The following SLC24A2 variants were observed in gnomAD, a reference collection of about 807,000 sequenced individuals.
SLC24A2 encodes sodium/potassium/calcium exchanger 2.
Under a neutral mutation model 62.0 loss-of-function variants are expected in SLC24A2, and 36 were observed. The ratio of observed to expected loss-of-function variants is 0.58; its 90% confidence interval spans 0.44 to 0.77. The LOEUF (loss-of-function observed/expected upper bound fraction) is 0.77, where lower values mean the gene tolerates loss of function less well. SLC24A2 is among the 30% of genes least tolerant of loss of function. SLC24A2 has a pLI of 0.00. For missense variants in SLC24A2, 846 were observed against 817.9 expected (o/e 1.03, Z -0.42); for synonymous variants, 358 against 294.0 (o/e 1.22, Z -2.23).
At chr9:19,820,233 T>C in the SLC24A2 span, among the ~76,000 whole-genome samples, 8 of 147,868 alleles carry the variant, frequency 5.4e-5, no homozygotes, top group East Asian at 4.0e-4. Context: ...AAAGCTAAGC[T>C]GTGAGGACGC....
chr9:20,004,368 A>G, the SLC24A2 span, among the ~76,000 whole-genome samples: 2 of 152,324 alleles, frequency 1.3e-5, no homozygotes, highest in Admixed American at 1.3e-4. Context: ...GAAGCTGGTC[A>G]TAAAACAGCA....
the SLC24A2 span, among the ~76,000 whole-genome samples, chr9:20,165,856 A>G: frequency 1.3e-5 from 2 of 151,950 alleles, no homozygotes; most frequent in Admixed American, 6.6e-5. Flanking sequence ...AACAAATGAC[A>G]AATTGGTAGC....
At chr9:19,700,311 T>C (rs1250686048) in intron 2 of SLC24A2, among the ~76,000 whole-genome samples, 2 of 152,186 alleles carry the variant, frequency 1.3e-5, no homozygotes, top group East Asian at 3.9e-4. Flanking sequence ...ACTCAGTAAA[T>C]GTTAGCTTTC....
chr9:20,166,126 T>C, the SLC24A2 span, among the ~76,000 whole-genome samples: 15 of 152,072 alleles, frequency 9.9e-5, 1 homozygote, highest in African/African-American at 3.4e-4. Flanking sequence ...AAGTTGACTA[T>C]AATCTGTTGG....
At chr9:20,188,227 CCAGTGCTGCTG>C in the SLC24A2 span, among the ~76,000 whole-genome samples, 2 of 152,214 alleles carry the variant, frequency 1.3e-5, no homozygotes, top group Non-Finnish European at 2.9e-5. Context: ...TTCCAGGGAT[CCAGTGCTGCTG>C]GACAGTGGAC....
chr9:20,091,321 G>C, the SLC24A2 span, among the ~76,000 whole-genome samples: 1 of 151,994 alleles, frequency 6.6e-6, no homozygotes, highest in African/African-American at 2.4e-5. Flanking sequence ...AACCCCACTG[G>C]AGAGGCCAAC....
At chr9:19,728,055 G>A (rs1446192404) in intron 2 of SLC24A2, among the ~76,000 whole-genome samples, 2 of 152,128 alleles carry the variant, frequency 1.3e-5, no homozygotes, top group Admixed American at 1.3e-4. Context: ...GTAAGGAAGT[G>A]GGGACTGGGA....
the SLC24A2 span, among the ~76,000 whole-genome samples, chr9:20,180,523 G>A: frequency 6.6e-6 from 1 of 152,022 alleles, no homozygotes; most frequent in Non-Finnish European, 1.5e-5. Context: ...GAAATCCTTT[G>A]TCTTTCCTAC....
intron 8 of SLC24A2, among the ~76,000 whole-genome samples, chr9:19,549,774 C>CA (rs1486948223): frequency 6.6e-6 from 1 of 152,186 alleles, no homozygotes; most frequent in Non-Finnish European, 1.5e-5. Flanking sequence ...AGAGACAAGC[C>CA]ATCCACAATG....
At chr9:19,899,756 T>G in the SLC24A2 span, among the ~76,000 whole-genome samples, 1 of 152,056 alleles carries the variant, frequency 6.6e-6, no homozygotes, top group Non-Finnish European at 1.5e-5. Flanking sequence ...GAAGAGAAAG[T>G]AAACATGTCC....
chr9:20,208,080 T>C, the SLC24A2 span, among the ~76,000 whole-genome samples: 1 of 151,996 alleles, frequency 6.6e-6, no homozygotes, highest in Non-Finnish European at 1.5e-5. Context: ...TAAGTGTAAA[T>C]GGTCAGCAAG....
chr9:19,519,907 G>T (rs1055860973), intron 10 of SLC24A2, among the ~76,000 whole-genome samples: 22 of 152,318 alleles, frequency 1.4e-4, no homozygotes, highest in Non-Finnish European at 5.9e-5. Context: ...TGATAGCACA[G>T]ACTCTTTGTT....
the SLC24A2 span, among the ~76,000 whole-genome samples, chr9:20,157,199 A>G: frequency 4.0e-5 from 6 of 151,636 alleles, no homozygotes; most frequent in East Asian, 1.2e-3. Context: ...TTTTCTATTA[A>G]GGACAATTAT....
At chr9:20,227,111 G>C in the SLC24A2 span, among the ~76,000 whole-genome samples, 2 of 152,024 alleles carry the variant, frequency 1.3e-5, no homozygotes, top group Non-Finnish European at 1.5e-5. Context: ...TTATGCTCTC[G>C]TTGGCTCTGA....
chr9:19,811,409 C>A, the SLC24A2 span, among the ~76,000 whole-genome samples: 1 of 152,134 alleles, frequency 6.6e-6, no homozygotes, highest in African/African-American at 2.4e-5. Flanking sequence ...CTTAAATTTG[C>A]AATGGGTTCA....
intron 7 of SLC24A2, among the ~76,000 whole-genome samples, chr9:19,572,806 A>C (rs1887485): frequency 0.035 from 5,280 of 152,306 alleles, 348 homozygotes; most frequent in East Asian, 0.31. Context: ...TGGTTGTGCC[A>C]TTGAATAATG....
chr9:20,009,622 C>A, the SLC24A2 span, among the ~76,000 whole-genome samples: 2 of 152,232 alleles, frequency 1.3e-5, no homozygotes, highest in Non-Finnish European at 2.9e-5. Flanking sequence ...GGTCGAGAGG[C>A]AACTGTAGGT....
chr9:20,304,787 G>A, the SLC24A2 span, among the ~76,000 whole-genome samples: 4 of 152,178 alleles, frequency 2.6e-5, no homozygotes, highest in East Asian at 7.7e-4. Flanking sequence ...GCTAGAGAGA[G>A]AAGAAACAAG....
chr9:20,163,397 T>C, the SLC24A2 span, among the ~76,000 whole-genome samples: 1 of 151,878 alleles, frequency 6.6e-6, no homozygotes, highest in Non-Finnish European at 1.5e-5. Flanking sequence ...TCAAAGAGAA[T>C]AAAATACCTA....
Sources: allele counts gnomAD v4.1 joint callset (sites outside exome capture counted in the v4.1 genomes callset), GRCh38; gene constraint gnomAD v4.1.1; transcripts MANE v1.5; gene names NCBI Gene and HGNC (gene_info 2026-07-23, HGNC 2026-07-21).